The following SLC38A1 variants were observed in gnomAD, a reference collection of about 807,000 sequenced individuals.
The protein encoded by SLC38A1 is solute carrier family 38 member 1, also known as sodium-coupled neutral amino acid symporter 1.
SLC38A1 carries 18 observed loss-of-function variants against 60.3 expected under a neutral mutation model. The ratio of observed to expected loss-of-function variants is 0.30; its 90% CI spans 0.21 to 0.44. SLC38A1 has a LOEUF of 0.44. Among genes scored for constraint, SLC38A1 ranks in the 20% least tolerant of loss-of-function variants. The pLI, the probability that SLC38A1 is intolerant of heterozygous loss-of-function variation, is 1.00. For synonymous variants in SLC38A1, 196 were observed against 212.1 expected (o/e 0.92, Z 0.66); for missense variants, 448 against 587.2 (o/e 0.76, Z 2.45).
At chr12:46,248,782 C>G (rs1941718634) in intron 1 of SLC38A1, among the ~76,000 whole-genome samples, 2 of 152,268 alleles carry the variant, frequency 1.3e-5, no homozygotes, top group South Asian at 4.1e-4. Flanking sequence ...TAAAGCACTC[C>G]TCAGCAAATG....
rs115701254 is a variant in SLC38A1 at position 46,256,744 on chromosome 12, G to T, written c.-209+11782C>A. On this transcript the variant is annotated intron_variant, in intron 1 of 16. Coordinates refer to ENST00000398637, the MANE Select transcript of SLC38A1 (RefSeq NM_030674.4). ...GTTCCCTCTCCCTGAGACCTGGCTG[G>T]CTGCATCACAGCCCTGGGGGCCAAG... Among the ~76,000 whole-genome samples the T allele has an allele frequency of 6.9e-3, 1,055 of 152,074 alleles. 13 individuals are homozygous for T. The highest frequency in any genetic ancestry group is 0.024 in the African/African-American group (981 of 41,472).
chr12:46,238,625 C>T (rs1941338571), intron 3 of SLC38A1, among the ~76,000 whole-genome samples: 1 of 152,196 alleles, frequency 6.6e-6, no homozygotes, highest in South Asian at 2.1e-4. Flanking sequence ...TGCTAAGCCA[C>T]CTAGACAATC....
At chr12:46,265,559 A>G (rs1262533665) in intron 1 of SLC38A1, among the ~76,000 whole-genome samples, 1 of 152,204 alleles carries the variant, frequency 6.6e-6, no homozygotes, top group African/African-American at 2.4e-5. Context: ...TATCAAGAGA[A>G]AAAATTGGAA....
intron 4 of SLC38A1, 59 bp downstream of exon 4, chr12:46,229,505 G>A: frequency 7.5e-7 from 1 of 1,328,324 alleles, no homozygotes; most frequent in South Asian, 1.2e-5. Context: ...GAATTAAAAA[G>A]ATTTGTCCCA....
chr12:46,230,702 CA>C (rs1941041755), intron 3 of SLC38A1, among the ~76,000 whole-genome samples: 2 of 152,268 alleles, frequency 1.3e-5, no homozygotes, highest in East Asian at 3.9e-4. Context: ...TAAGAATCAT[CA>C]AATATATTCA....
Position 46,223,517 on chromosome 12 carries a change from G to A in SLC38A1, c.314+5636C>T, listed in dbSNP as rs181779278. ...TTCTTCCTAGTAGCTCTATGCGTTGGTACTAATAAAAGTCTCCTTGCATGC... is the reference window on the plus strand; with the variant it reads ...TTCTTCCTAGTAGCTCTATGCGTTGATACTAATAAAAGTCTCCTTGCATGC... On this transcript the variant is annotated intron_variant, in intron 5 of 16. Transcript: ENST00000398637. Among the ~76,000 whole-genome samples, 10 of 151,584 alleles carry A rather than the reference G, an allele frequency of 6.6e-5. 1 individual carries two copies. Among genetic ancestry groups the A allele is most frequent in the Admixed American group, 1.3e-4 (2 of 15,220 alleles).
At chr12:46,196,204 G>A in intron 16 of SLC38A1, 1 of 1,536,090 alleles carries the variant, frequency 6.5e-7, no homozygotes, top group Non-Finnish European at 8.7e-7. Context: ...TTCAGTGAGA[G>A]CGCTGCAGGG....
At chr12:46,238,907 T>C (rs537641334) in intron 3 of SLC38A1, among the ~76,000 whole-genome samples, 2 of 152,360 alleles carry the variant, frequency 1.3e-5, no homozygotes, top group South Asian at 2.1e-4. Context: ...TCAACCATTA[T>C]TATTATTTAA....
rs1939011607 is a variant in SLC38A1, at chr12:46,188,430, A to C, written c.*540T>G. ...GGGCATGCTCTGATTCAGCAGTGGC[A>C]GTGCCCTATAACTTTCAGATGATTA... On this transcript the variant is annotated 3_prime_UTR_variant, in exon 17 of 17. Transcript: ENST00000398637. 1 of 152,854 alleles carries C rather than the reference A, an allele frequency of 6.5e-6. No individual in the cohort carries two copies. Among genetic ancestry groups the C allele is most frequent in the African/African-American group, 2.4e-5 (1 of 41,458 alleles). 9.5% of individuals were successfully genotyped at this position (152,854 alleles called of 1,614,324 possible). A position where few individuals can be genotyped will look rare whatever the true frequency, so the allele number is the denominator to read the frequency against.
intron 2 of SLC38A1, among the ~76,000 whole-genome samples, chr12:46,240,267 G>A (rs1941401610): frequency 6.6e-6 from 1 of 152,182 alleles, no homozygotes; most frequent in Non-Finnish European, 1.5e-5. Flanking sequence ...CACAGTCTCG[G>A]CTCACTGCAA....
rs922498939 is a variant in SLC38A1, at chr12:46,268,094, A to C, written c.-209+432T>G. Among the ~76,000 whole-genome samples, 6 of 152,106 alleles carry C rather than the reference A, an allele frequency of 3.9e-5. No homozygotes were observed. The highest frequency in any genetic ancestry group is 7.4e-5 in the Non-Finnish European group (5 of 67,976). ...CCTCTGGGCCTTGCGGACACAGGAA[A>C]TTTTCACCAAAGGCCGGGGATTCAA... On this transcript the variant is annotated intron_variant, in intron 1 of 16. Coordinates refer to ENST00000398637, the MANE Select transcript of SLC38A1 (RefSeq NM_030674.4). This position sits in a 1 kb window ranked among gnomAD's most constrained non-coding sequence, Gnocchi z 4.4.
At chr12:46,216,633 C>T (rs1411248965) in intron 5 of SLC38A1, among the ~76,000 whole-genome samples, 1 of 152,122 alleles carries the variant, frequency 6.6e-6, no homozygotes, top group East Asian at 1.9e-4. Context: ...GGCAGATTGC[C>T]TGAGCTCAGG....
chr12:46,234,064 A>G (rs956706531), intron 3 of SLC38A1, among the ~76,000 whole-genome samples: 6 of 152,186 alleles, frequency 3.9e-5, no homozygotes, highest in African/African-American at 1.4e-4. Context: ...CTCTCAGCCA[A>G]TCTTTCCCTA....
At chr12:46,241,091 C>T (rs986795623) in intron 2 of SLC38A1, among the ~76,000 whole-genome samples, 2 of 151,996 alleles carry the variant, frequency 1.3e-5, no homozygotes, top group Non-Finnish European at 1.5e-5. Flanking sequence ...GGAGCCTCAC[C>T]GTGATACTCT....
chr12:46,227,785 T>C (rs1940923394), intron 5 of SLC38A1, among the ~76,000 whole-genome samples: 1 of 152,112 alleles, frequency 6.6e-6, no homozygotes, highest in African/African-American at 2.4e-5. Flanking sequence ...AATTTCCTTG[T>C]TTTGAAGAGG....
intron 1 of SLC38A1, among the ~76,000 whole-genome samples, chr12:46,252,264 C>A (rs1160789609): frequency 2.6e-5 from 4 of 152,138 alleles, no homozygotes; most frequent in Non-Finnish European, 5.9e-5. Flanking sequence ...TGCATGTTCT[C>A]ACTCATAGGT....
chr12:46,219,891 G>A (rs1592105049), intron 5 of SLC38A1, among the ~76,000 whole-genome samples: 2 of 152,348 alleles, frequency 1.3e-5, no homozygotes, highest in African/African-American at 4.8e-5. Context: ...AGGCACCTGA[G>A]GCAACTCAGC....
chr12:46,197,333 C>CAAAAAAG (rs375672594), intron 16 of SLC38A1: 35 of 173,568 alleles, frequency 2.0e-4, no homozygotes, highest in East Asian at 7.3e-4. Context: ...ACTAAAAATA[C>CAAAAAAG]AAAAAAGAAA....
intron 1 of SLC38A1, among the ~76,000 whole-genome samples, chr12:46,261,400 A>G (rs1942192553): frequency 6.6e-6 from 1 of 152,206 alleles, no homozygotes; most frequent in Admixed American, 6.5e-5. Context: ...TTTATTTACA[A>G]TTTCAATTCC....
Sources: gnomAD v4.1 joint callset for allele counts (sites outside exome capture counted in the v4.1 genomes callset) on GRCh38, gnomAD v4.1.1 for gene constraint, Gnocchi (gnomAD v3.1) non-coding constraint, MANE v1.5 for transcripts, NCBI Gene and HGNC (gene_info 2026-07-23, HGNC 2026-07-21) for gene names.